Variants in TNFAIP8 observed in about 807,000 individuals in gnomAD.
TNFAIP8 encodes TNF alpha induced protein 8.
TNFAIP8 carries 7 observed loss-of-function variants against 13.3 expected under a neutral mutation model. That is an observed-to-expected ratio of 0.52 (90% CI 0.30 to 0.99). The LOEUF (loss-of-function observed/expected upper bound fraction) is 0.99. Among genes scored for constraint, TNFAIP8 ranks in the 50% least tolerant of loss-of-function variants. The pLI is 0.07. For missense variants in TNFAIP8, 258 were observed against 236.9 expected, an observed-to-expected ratio of 1.09 and a Z score of -0.58; for synonymous variants, 94 against 87.6, an observed-to-expected ratio of 1.07 and a Z score of -0.41.
intron 1 of TNFAIP8, among the ~76,000 whole-genome samples, chr5:119,378,959 G>A (rs1008013819): frequency 3.3e-5 from 5 of 152,132 alleles, no homozygotes; most frequent in African/African-American, 1.2e-4. Context: ...AGCTACTCAG[G>A]AGGCTAAGGT....
intron 1 of TNFAIP8, among the ~76,000 whole-genome samples, chr5:119,298,515 C>G (rs1581582439): frequency 2.0e-5 from 3 of 151,450 alleles, no homozygotes; most frequent in Admixed American, 2.0e-4. Context: ...GGTAACCCGA[C>G]CTTTCTCTCT....
chr5:119,311,323 C>T (rs943443707), intron 1 of TNFAIP8, among the ~76,000 whole-genome samples: 3 of 152,032 alleles, frequency 2.0e-5, no homozygotes, highest in Non-Finnish European at 4.4e-5. Context: ...TGTGCCCGGC[C>T]TTGGTGTTCA....
intron 1 of TNFAIP8, among the ~76,000 whole-genome samples, chr5:119,338,535 C>T (rs188213036): frequency 1.0e-3 from 158 of 152,384 alleles, no homozygotes; most frequent in African/African-American, 3.6e-3. Flanking sequence ...GGGCTACCCT[C>T]TGGCCTTTGT....
At chr5:119,291,633 G>A (rs1001235696) in intron 1 of TNFAIP8, among the ~76,000 whole-genome samples, 2 of 152,218 alleles carry the variant, frequency 1.3e-5, no homozygotes, top group Non-Finnish European at 2.9e-5. Context: ...ATAGTGAAAG[G>A]CAGCCTCTTT....
exon 1 of TNFAIP8, chr5:119,268,849 G>A: frequency 2.8e-6 from 2 of 703,352 alleles, no homozygotes; most frequent in Non-Finnish European, 5.2e-6. Flanking sequence ...AGAACTCGGC[G>A]CCGCCAAACA....
At position 119,281,355 on chromosome 5, in the gene TNFAIP8, TA is replaced by T. The variant is rs554405603; in HGVS notation, c.1+12452del. On this transcript the variant is annotated intron_variant, in intron 1 of 1. Transcript: ENST00000274456. ...GCAAACATAAATACTCATATAAAGA[TA>T]AAATACTTTGTGAGTTCATAATGCT... is the stretch of plus-strand genomic sequence containing the variant. Among the ~76,000 whole-genome samples the T allele has an allele frequency of 4.3e-4, 46 of 106,670 alleles. No individual in the cohort carries two copies. The East Asian group carries it at 0.013, about 31-fold the overall frequency. 70.0% of individuals were successfully genotyped at this position (106,670 alleles called of 152,430 possible). A position where few individuals can be genotyped will look rare whatever the true frequency, so the allele number is the denominator to read the frequency against.
rs965669973 is a variant in TNFAIP8 at position 119,396,137 on chromosome 5, T to A, written c.*2756T>A. ...TGCTCGAGGTGTCCCAGCCGGAATA[T>A]GTATAAAATCTTATTTTCACTTAAA... On this transcript the variant is annotated 3_prime_UTR_variant, in exon 2 of 2. Transcript: ENST00000504771. The A allele has an allele frequency of 1.3e-5, 2 of 152,190 alleles. No individual in the cohort carries two copies. The highest frequency in any genetic ancestry group is 2.9e-5 in the Non-Finnish European group (2 of 68,030). 9.4% of individuals were successfully genotyped at this position (152,190 alleles called of 1,614,324 possible).
At chr5:119,367,805 G>A (rs1236612131) in intron 1 of TNFAIP8, among the ~76,000 whole-genome samples, 1 of 152,112 alleles carries the variant, frequency 6.6e-6, no homozygotes, top group Non-Finnish European at 1.5e-5. Context: ...TCTGATGAGT[G>A]TTAAAGTTCA....
At chr5:119,286,085 G>C (rs1462718368) in intron 1 of TNFAIP8, among the ~76,000 whole-genome samples, 1 of 152,028 alleles carries the variant, frequency 6.6e-6, no homozygotes, top group African/African-American at 2.4e-5. Context: ...AAATATATTT[G>C]GCAAAGGAGG....
chr5:119,371,022 C>T (rs923195116), intron 1 of TNFAIP8, among the ~76,000 whole-genome samples: 4 of 152,182 alleles, frequency 2.6e-5, no homozygotes, highest in African/African-American at 9.7e-5. Flanking sequence ...AGATGCTAGA[C>T]ATTCAAGAAT....
intron 1 of TNFAIP8, among the ~76,000 whole-genome samples, chr5:119,293,107 G>A (rs919745669): frequency 5.9e-5 from 9 of 151,970 alleles, no homozygotes; most frequent in African/African-American, 2.2e-4. Flanking sequence ...ATATACATGT[G>A]TGTACAACAT....
In TNFAIP8 at chr5:119,393,532, A is replaced by G. The variant is rs1474350357; in HGVS notation, c.*151A>G. On this transcript the variant is annotated 3_prime_UTR_variant, in exon 2 of 2. Transcript: ENST00000504771. Reference sequence around the variant, plus strand: ...TTGTCAGACATAATGATTTATTTGAAGGCTTGTTTTATTTGAAGAAAAGCA... The same window carrying G: ...TTGTCAGACATAATGATTTATTTGAGGGCTTGTTTTATTTGAAGAAAAGCA... 3 of 870,152 alleles carry G rather than the reference A, an allele frequency of 3.4e-6. No individual in the cohort carries two copies. In the African/African-American group the frequency reaches 5.1e-5, roughly 15 times the overall value. The allele number at this position is 870,152 out of a possible 1,614,324, so 53.9% of individuals were successfully genotyped here.
exon 1 of TNFAIP8, chr5:119,268,851 C>T (rs1748169462): frequency 4.3e-6 from 3 of 703,592 alleles, no homozygotes; most frequent in Non-Finnish European, 7.8e-6. Context: ...AACTCGGCGC[C>T]GCCAAACAGC....
At chr5:119,365,067 G>T (rs1324454643) in intron 1 of TNFAIP8, among the ~76,000 whole-genome samples, 1 of 151,854 alleles carries the variant, frequency 6.6e-6, no homozygotes, top group Non-Finnish European at 1.5e-5. Flanking sequence ...GGCCAGGCTG[G>T]TCTCAAACTC....
upstream of TNFAIP8, chr5:119,355,198 ACCTC>A (rs1322323253): frequency 1.5e-6 from 1 of 674,164 alleles, no homozygotes; most frequent in African/African-American, 1.8e-5. Context: ...AATCCTGAAA[ACCTC>A]CCCTTTGGCA....
At chr5:119,381,791 GCATGGTGGTGGGCA>G (rs1405269158) in intron 1 of TNFAIP8, among the ~76,000 whole-genome samples, 1 of 152,044 alleles carries the variant, frequency 6.6e-6, no homozygotes, top group Non-Finnish European at 1.5e-5. Flanking sequence ...AATTAGTCGG[GCATGGTGGTGGGCA>G]CCTGTAGTCC....
chr5:119,279,064 G>A (rs1464215937), intron 1 of TNFAIP8, among the ~76,000 whole-genome samples: 1 of 152,124 alleles, frequency 6.6e-6, no homozygotes, highest in Non-Finnish European at 1.5e-5. Flanking sequence ...GAGTACGTAG[G>A]GTGGGCCAGC....
intron 1 of TNFAIP8, among the ~76,000 whole-genome samples, chr5:119,359,171 A>G (rs373666876): frequency 6.6e-5 from 10 of 151,964 alleles, no homozygotes; most frequent in South Asian, 4.2e-4. Context: ...CTCCTCCTAC[A>G]CCAGTCAGCC....
intron 1 of TNFAIP8, among the ~76,000 whole-genome samples, chr5:119,372,094 G>T (rs1464975109): frequency 1.3e-5 from 2 of 149,788 alleles, no homozygotes; most frequent in Non-Finnish European, 3.0e-5. Context: ...CCGAGATCGC[G>T]CCATGGCACT....
Sources: allele counts gnomAD v4.1 joint callset (sites outside exome capture counted in the v4.1 genomes callset), GRCh38; gene constraint gnomAD v4.1.1; transcripts MANE v1.5; gene names NCBI Gene and HGNC (gene_info 2026-07-23, HGNC 2026-07-21).